The following PPP1R1C variants were observed in gnomAD, a reference collection of about 807,000 sequenced individuals.
PPP1R1C encodes the protein protein phosphatase 1 regulatory subunit 1C.
Under a neutral mutation model 17.4 loss-of-function variants are expected in PPP1R1C, and 15 were observed. The observed-to-expected ratio is 0.86, with a 90% confidence interval of 0.58 to 1.33. The LOEUF is 1.33. PPP1R1C is among the 40% of genes most tolerant of loss of function. The pLI is 0.00. For synonymous variants in PPP1R1C, 35 were observed against 43.1 expected (o/e 0.81, Z 0.73); for missense variants, 143 against 130.0 (o/e 1.10, Z -0.48).
chr2:182,028,455 T>A (rs548815178), intron 2 of PPP1R1C, among the ~76,000 whole-genome samples: 2 of 152,268 alleles, frequency 1.3e-5, no homozygotes, highest in African/African-American at 4.8e-5. Context: ...ATTTCTGCCT[T>A]CATTTCATTA....
At chr2:182,011,447 A>G (rs3106776) in intron 2 of PPP1R1C, among the ~76,000 whole-genome samples, 141,430 of 152,072 alleles carry the variant, frequency 0.93, 66,053 homozygotes, top group Non-Finnish European at 0.98. Flanking sequence ...AATTTCTGCC[A>G]TATTGGTTAT....
At chr2:182,096,692 GC>G (rs754886396) in intron 4 of PPP1R1C, among the ~76,000 whole-genome samples, 51 of 152,124 alleles carry the variant, frequency 3.4e-4, no homozygotes, top group Non-Finnish European at 6.8e-4. Context: ...GATTAACATG[GC>G]TGGTTCCTTT....
At chr2:182,072,462 T>C (rs1688167420) in intron 4 of PPP1R1C, among the ~76,000 whole-genome samples, 1 of 152,258 alleles carries the variant, frequency 6.6e-6, no homozygotes, top group Non-Finnish European at 1.5e-5. Context: ...ATTTGGCTTT[T>C]ATAGAAAACT....
chr2:182,013,889 T>G (rs1193835196), intron 2 of PPP1R1C, among the ~76,000 whole-genome samples: 1 of 152,182 alleles, frequency 6.6e-6, no homozygotes, highest in African/African-American at 2.4e-5. Flanking sequence ...TTTTTAAAAA[T>G]TATTTCAATC....
chr2:181,962,028 C>T lies in PPP1R1C; in HGVS notation n.111+7394C>T, dbSNP rs1354963299. 10 of 727,964 alleles carry T rather than the reference C, an allele frequency of 1.4e-5. No homozygotes were observed. The highest frequency in any genetic ancestry group is 3.5e-5 in the Admixed American group (2 of 57,498). The allele number at this position is 727,964 out of a possible 1,614,324, so 45.1% of individuals were successfully genotyped here. ...AGACAGGCATTGTCAATCTGCAAAA[C>T]GATGCCGGCATTGTCCACAGTATTT... On this transcript the variant is annotated intron_variant and non_coding_transcript_variant, in intron 1 of 5. Transcript: ENST00000464264. The surrounding 1 kb of genome is among the most constrained non-coding windows in gnomAD (Gnocchi z 6.0).
intron 2 of PPP1R1C, among the ~76,000 whole-genome samples, chr2:182,005,313 A>G (rs1685885700): frequency 6.6e-6 from 1 of 152,240 alleles, no homozygotes; most frequent in African/African-American, 2.4e-5. Flanking sequence ...AGTCACTGAC[A>G]TGCTGCCAGA....
Position 182,071,560 on chromosome 2 carries a change from C to G in PPP1R1C, c.241+7769C>G, listed in dbSNP as rs144427535. The stretch of plus-strand genomic sequence containing the variant: ...TTTTTTACTCCGTTTCCATACTGTA[C>G]TCTTTGGAAGGAAGTCACTGTGTGT... On this transcript the variant is annotated intron_variant, in intron 4 of 4. Transcript: ENST00000682840. Among the ~76,000 whole-genome samples, 4 of 152,268 alleles carry G rather than the reference C, an allele frequency of 2.6e-5. No individual in the cohort carries two copies. In the East Asian group the frequency reaches 5.8e-4, roughly 22 times the overall value.
exon 6 of PPP1R1C, chr2:182,129,577 A>G: frequency 6.6e-6 from 1 of 152,164 alleles, no homozygotes; most frequent in East Asian, 1.9e-4. Context: ...TTTATAATTA[A>G]TTAAGTGGCT....
chr2:182,004,216 T>C (rs1021346453), intron 2 of PPP1R1C, among the ~76,000 whole-genome samples: 21 of 152,252 alleles, frequency 1.4e-4, no homozygotes, highest in African/African-American at 4.8e-4. Context: ...TCCTGTCTTA[T>C]CTAAAATTTG....
chr2:182,111,102 A>G (rs1024310983), intron 4 of PPP1R1C, among the ~76,000 whole-genome samples: 1 of 152,098 alleles, frequency 6.6e-6, no homozygotes, highest in African/African-American at 2.4e-5. Flanking sequence ...TTCCAAAGAT[A>G]TTGTTTGAAT....
At chr2:182,014,970 G>A (rs988053399) in intron 2 of PPP1R1C, among the ~76,000 whole-genome samples, 2 of 152,082 alleles carry the variant, frequency 1.3e-5, no homozygotes, top group Admixed American at 6.5e-5. Context: ...TGCTCAGGGC[G>A]GGTGCGGAAA....
chr2:182,044,826 AAGACAC>A (rs1687293650), intron 2 of PPP1R1C, among the ~76,000 whole-genome samples: 1 of 152,242 alleles, frequency 6.6e-6, no homozygotes, highest in African/African-American at 2.4e-5. Flanking sequence ...CCTTACATAT[AAGACAC>A]AGATTATCAT....
At chr2:182,002,934 C>G (rs1358850036) in intron 2 of PPP1R1C, among the ~76,000 whole-genome samples, 2 of 138,432 alleles carry the variant, frequency 1.4e-5, no homozygotes, top group Non-Finnish European at 3.2e-5. Flanking sequence ...TAAACCTCCC[C>G]CCCCCCACAA....
At chr2:182,048,849 C>A (rs1687422558) in intron 2 of PPP1R1C, 1 of 152,304 alleles carries the variant, frequency 6.6e-6, no homozygotes, top group African/African-American at 2.4e-5. Context: ...CCTGAAAGCG[C>A]CCCATCTCAT....
At chr2:182,057,202 A>G (rs577971451) in intron 2 of PPP1R1C, among the ~76,000 whole-genome samples, 5 of 152,332 alleles carry the variant, frequency 3.3e-5, no homozygotes, top group Admixed American at 3.3e-4. Context: ...AATCAAACAT[A>G]GAGGATAATC....
At chr2:182,009,148 A>C (rs1167110484) in intron 2 of PPP1R1C, among the ~76,000 whole-genome samples, 1 of 152,122 alleles carries the variant, frequency 6.6e-6, no homozygotes, top group East Asian at 1.9e-4. Flanking sequence ...ACAAATTATC[A>C]ATGGGATTAC....
chr2:181,971,826 T>G (rs1284295572), intron 1 of PPP1R1C, among the ~76,000 whole-genome samples: 1 of 152,190 alleles, frequency 6.6e-6, no homozygotes, highest in Non-Finnish European at 1.5e-5. Context: ...TGCCTGATGT[T>G]GCTTTCTGTT....
At position 181,961,254 on chromosome 2, in the gene PPP1R1C, G is replaced by C; in HGVS notation, n.111+6620G>C. 1.3e-6 allele frequency: 1 copy of C among 795,624 alleles called. No homozygotes were observed. The highest frequency in any genetic ancestry group is 1.8e-5 in the Admixed American group (1 of 55,764). The allele number at this position is 795,624 out of a possible 1,614,324, so 49.3% of individuals were successfully genotyped here. ...TTGGTCTCAGACACCACTTTGCGGC[G>C]GGTGGTGGTCTTTGGATGGTTTGCA... On this transcript the variant is annotated intron_variant and non_coding_transcript_variant, in intron 1 of 5. Transcript: ENST00000464264. The surrounding 1 kb of genome is among the most constrained non-coding windows in gnomAD (Gnocchi z 5.8).
At chr2:182,002,245 G>C (rs189626967) in intron 2 of PPP1R1C, among the ~76,000 whole-genome samples, 1 of 151,676 alleles carries the variant, frequency 6.6e-6, no homozygotes, top group African/African-American at 2.4e-5. Context: ...GCTAGAGTTT[G>C]CAATTGTCTC....
Sources: gnomAD v4.1 joint callset for allele counts (sites outside exome capture counted in the v4.1 genomes callset) on GRCh38, gnomAD v4.1.1 for gene constraint, Gnocchi (gnomAD v3.1) non-coding constraint, MANE v1.5 for transcripts, NCBI Gene and HGNC (gene_info 2026-07-23, HGNC 2026-07-21) for gene names.